Variants in GNG7 observed in about 807,000 individuals in gnomAD.
GNG7 encodes the protein guanine nucleotide-binding protein G(I)/G(S)/G(O) subunit gamma-7.
In GNG7, 1 loss-of-function variant was observed where a neutral mutation model predicts 4.0. That is an observed-to-expected ratio of 0.25 (90% CI 0.09 to 1.18). The LOEUF is 1.18. Among genes scored for constraint, GNG7 ranks in the 50% most tolerant of loss-of-function variants. The pLI, the probability that GNG7 is intolerant of heterozygous loss-of-function variation, is 0.50. For missense variants in GNG7, 86 were observed against 91.9 expected, an observed-to-expected ratio of 0.94 and a Z score of 0.26; for synonymous variants, 34 against 36.9, an observed-to-expected ratio of 0.92 and a Z score of 0.29.
chr19:2,611,440 C>T lies in GNG7; in HGVS notation c.-78+34784G>A, dbSNP rs1021004848. 3 of 152,344 alleles carry T rather than the reference C, an allele frequency of 2.0e-5. No individual in the cohort carries two copies. The highest frequency in any genetic ancestry group is 1.9e-4 in the East Asian group (1 of 5,180). 9.4% of individuals were successfully genotyped at this position (152,344 alleles called of 1,614,324 possible). ...AGCTCGAGGTGCCCCGTCCCAGGAC[C>T]GTGGCAGGAGGGGGTCCCGTCCTGC... On this transcript the variant is annotated intron_variant, in intron 2 of 4. Transcript: ENST00000382159. This position sits in a 1 kb window ranked among gnomAD's most constrained non-coding sequence, Gnocchi z 6.0.
At chr19:2,518,328 G>C (rs1194064562) in intron 4 of GNG7, among the ~76,000 whole-genome samples, 1 of 152,160 alleles carries the variant, frequency 6.6e-6, no homozygotes, top group Non-Finnish European at 1.5e-5. Flanking sequence ...CCCTCCGCCC[G>C]GGCTGGGGGC....
chr19:2,579,958 C>T (rs1159197999), intron 2 of GNG7, among the ~76,000 whole-genome samples: 5 of 152,180 alleles, frequency 3.3e-5, no homozygotes, highest in African/African-American at 1.2e-4. Flanking sequence ...CTGCCTCCTC[C>T]AGTTCTGGGG....
chr19:2,520,565 C>G lies in GNG7; in HGVS notation c.81+43G>C, dbSNP rs572018660. ...TCCTGTTCATCATTTGCGGGGCCCC[C>G]AAGGGTCTCTCCCCTCCTCTTCCTG... is the stretch of plus-strand genomic sequence containing the variant. On this transcript the variant is annotated intron_variant, in intron 4 of 4. Transcript: ENST00000382159. 36 of 1,188,374 alleles carry G rather than the reference C, an allele frequency of 3.0e-5. No homozygotes were observed. In the Admixed American group the frequency reaches 5.8e-4, roughly 19 times the overall value. 73.6% of individuals were successfully genotyped at this position (1,188,374 alleles called of 1,614,324 possible).
chr19:2,658,233 T>A (rs1220646843), intron 1 of GNG7, among the ~76,000 whole-genome samples: 2 of 152,174 alleles, frequency 1.3e-5, no homozygotes, highest in Non-Finnish European at 1.5e-5. Context: ...CTCACCCAGT[T>A]TCCCCTCATG....
rs1972662632 is a variant in GNG7 at position 2,511,987 on chromosome 19, A to G, written c.*3035T>C. The stretch of plus-strand genomic sequence containing the variant: ...GCCCGCTGTGGCCCTTCACCTGGCT[A>G]CTGGTGTCTCGCTCAGCAGCGGGGA... On this transcript the variant is annotated 3_prime_UTR_variant, in exon 5 of 5. Transcript: ENST00000382159. The surrounding 1 kb of genome is among the most constrained non-coding windows in gnomAD (Gnocchi z 6.3). The G allele has an allele frequency of 6.1e-6, 6 of 985,744 alleles. No individual in the cohort carries two copies. The highest frequency in any genetic ancestry group is 7.2e-6 in the Non-Finnish European group (6 of 829,954). 61.1% of individuals were successfully genotyped at this position (985,744 alleles called of 1,614,324 possible). A position where few individuals can be genotyped will look rare whatever the true frequency, so the allele number is the denominator to read the frequency against.
At chr19:2,537,446 G>A (rs1978778939) in intron 3 of GNG7, among the ~76,000 whole-genome samples, 2 of 151,874 alleles carry the variant, frequency 1.3e-5, no homozygotes, top group African/African-American at 4.8e-5. Flanking sequence ...AGTCTCTACA[G>A]CTATGTTGCC....
At chr19:2,574,674 G>C (rs115253919) in intron 2 of GNG7, among the ~76,000 whole-genome samples, 1 of 152,164 alleles carries the variant, frequency 6.6e-6, no homozygotes, top group African/African-American at 2.4e-5. Flanking sequence ...GAATCATGCC[G>C]CTGTGCACTT....
chr19:2,581,621 C>A (rs28382378), intron 2 of GNG7, among the ~76,000 whole-genome samples: 2,486 of 152,282 alleles, frequency 0.016, 77 homozygotes, highest in African/African-American at 0.056. Context: ...CCCCACCCTG[C>A]AGGGATGGGA....
chr19:2,594,528 G>A (rs1354488359), intron 2 of GNG7, among the ~76,000 whole-genome samples: 3 of 152,172 alleles, frequency 2.0e-5, no homozygotes, highest in Admixed American at 6.5e-5. Flanking sequence ...AGGCCAGGAC[G>A]AGGTCTCTCT....
chr19:2,641,966 T>C (rs1220637111), intron 2 of GNG7: 2 of 152,058 alleles, frequency 1.3e-5, no homozygotes, highest in East Asian at 3.9e-4. Context: ...CGCCTGGCCC[T>C]ACGTTAGACT....
intron 1 of GNG7, among the ~76,000 whole-genome samples, chr19:2,650,729 C>T (rs550786779): frequency 1.3e-5 from 2 of 152,338 alleles, no homozygotes. Context: ...CACCAGCTGG[C>T]GCCAGGCTGT....
At chr19:2,527,147 T>A (rs1978432036) in intron 3 of GNG7, among the ~76,000 whole-genome samples, 1 of 152,174 alleles carries the variant, frequency 6.6e-6, no homozygotes, top group South Asian at 2.1e-4. Context: ...CCCGGCCCTA[T>A]CTTAACTTTT....
rs565850592 is a variant in GNG7, at chr19:2,624,038, G to A, written c.-78+22186C>T. On this transcript the variant is annotated intron_variant, in intron 2 of 4. Coordinates refer to ENST00000382159, the MANE Select transcript of GNG7 (RefSeq NM_052847.3). ...CAGTACAAGGGAAGCAGGATGGGGGGTGCCAAGGGCTGGGAAGGGGACGGG... is the reference window on the plus strand; with the variant it reads ...CAGTACAAGGGAAGCAGGATGGGGGATGCCAAGGGCTGGGAAGGGGACGGG... 1.9e-4 allele frequency among the ~76,000 whole-genome samples: 29 copies of A among 152,176 alleles called. 1 individual carries two copies. Among genetic ancestry groups the A allele is most frequent in the African/African-American group, 7.0e-4 (29 of 41,510 alleles).
chr19:2,675,017 G>A lies in GNG7; in HGVS notation c.-135+27629C>T, dbSNP rs1599456101. ...TCATAACGCCTCCCCCTCTGGCTGAGACTAGAATAGATAAAAATCCAGATT... is the reference window on the plus strand; with the variant it reads ...TCATAACGCCTCCCCCTCTGGCTGAAACTAGAATAGATAAAAATCCAGATT... On this transcript the variant is annotated intron_variant, in intron 1 of 4. Transcript: ENST00000382159. 5.9e-5 allele frequency among the ~76,000 whole-genome samples: 9 copies of A among 152,290 alleles called. 2 individuals are homozygous for A. Among genetic ancestry groups the A allele is most frequent in the Admixed American group, 5.9e-4 (9 of 15,278 alleles).
chr19:2,584,167 T>C (rs1014771809), intron 2 of GNG7, among the ~76,000 whole-genome samples: 4 of 151,550 alleles, frequency 2.6e-5, no homozygotes, highest in African/African-American at 9.7e-5. Flanking sequence ...CTTGGCTGGG[T>C]GCCAGTGGTT....
At chr19:2,698,709 T>G (rs1056027383) in intron 1 of GNG7, among the ~76,000 whole-genome samples, 2 of 152,216 alleles carry the variant, frequency 1.3e-5, no homozygotes, top group Non-Finnish European at 2.9e-5. Flanking sequence ...AGACCATCGC[T>G]GCTTCCAGAT....
At chr19:2,552,826 G>A (rs998051388) in intron 3 of GNG7, among the ~76,000 whole-genome samples, 1 of 139,118 alleles carries the variant, frequency 7.2e-6, no homozygotes, top group Non-Finnish European at 1.5e-5. Flanking sequence ...CGTTTGAATC[G>A]TCCCCAAACC....
intron 1 of GNG7, among the ~76,000 whole-genome samples, chr19:2,659,859 G>C (rs1377022003): frequency 2.6e-5 from 4 of 152,016 alleles, no homozygotes; most frequent in Non-Finnish European, 5.9e-5. Flanking sequence ...TTTATGACTG[G>C]ATCCCCTTCC....
chr19:2,586,118 G>C (rs1418681010), intron 2 of GNG7, among the ~76,000 whole-genome samples: 1 of 152,198 alleles, frequency 6.6e-6, no homozygotes, highest in Non-Finnish European at 1.5e-5. Context: ...CGATTTTGAT[G>C]ATGAAAAACG....
Sources: allele counts gnomAD v4.1 joint callset (sites outside exome capture counted in the v4.1 genomes callset), GRCh38; gene constraint gnomAD v4.1.1; non-coding constraint Gnocchi (gnomAD v3.1); transcripts MANE v1.5; gene names NCBI Gene and HGNC (gene_info 2026-07-23, HGNC 2026-07-21).